GLIS3: variants seen among roughly 807,000 people sequenced by gnomAD.
GLIS3 encodes the protein GLIS family zinc finger 3.
A neutral mutation model predicts 78.6 loss-of-function variants in GLIS3; 53 were observed. The ratio of observed to expected loss-of-function variants is 0.67; its 90% CI spans 0.54 to 0.85. The LOEUF is 0.85. GLIS3 is among the 40% of genes least tolerant of loss of function. The pLI is 0.00. For missense variants in GLIS3, 1,703 were observed against 1,231.1 expected (o/e 1.38, Z -5.74); for synonymous variants, 684 against 509.9 (o/e 1.34, Z -4.60).
At chr9:4,213,799 T>G (rs1208373747) in intron 2 of GLIS3, among the ~76,000 whole-genome samples, 1 of 152,052 alleles carries the variant, frequency 6.6e-6, no homozygotes, top group African/African-American at 2.4e-5. Context: ...TATTCATTCA[T>G]CCAATAAACA....
rs138699321 is a variant in GLIS3, at chr9:4,091,402, G to C, written c.1710+26366C>G. Among the ~76,000 whole-genome samples the C allele has an allele frequency of 7.4e-3, 1,129 of 152,094 alleles. 7 individuals are homozygous for C. The highest frequency in any genetic ancestry group is 0.011 in the Non-Finnish European group (719 of 67,988). On this transcript the variant is annotated intron_variant, in intron 4 of 10. Transcript: ENST00000381971. ...AAGTTAAAAAAATAATTAAACGTTT[G>C]TAAGATTGGTACACGGTAAGCATTT... is the stretch of plus-strand genomic sequence containing the variant.
chr9:3,992,836 T>C (rs1000013650), intron 4 of GLIS3, among the ~76,000 whole-genome samples: 4 of 152,220 alleles, frequency 2.6e-5, no homozygotes, highest in Non-Finnish European at 5.9e-5. Flanking sequence ...CCAATTCTGA[T>C]AAGGTCAAAC....
intron 2 of GLIS3, among the ~76,000 whole-genome samples, chr9:4,128,491 T>A (rs903930735): frequency 3.3e-5 from 5 of 152,198 alleles, no homozygotes; most frequent in African/African-American, 1.2e-4. Context: ...GAAATTAGAA[T>A]GAATGAAAGA....
At position 3,827,289 on chromosome 9, in the gene GLIS3, C is replaced by G. The variant is rs574574885; in HGVS notation, c.*983G>C. 1 of 152,358 alleles carries G rather than the reference C, an allele frequency of 6.6e-6. No homozygotes were observed. The highest frequency in any genetic ancestry group is 2.4e-5 in the African/African-American group (1 of 41,580). 9.4% of individuals were successfully genotyped at this position (152,358 alleles called of 1,614,324 possible). A position where few individuals can be genotyped will look rare whatever the true frequency, so the allele number is the denominator to read the frequency against. Reference sequence around the variant, plus strand: ...TTTTCCAAGGGAAGCTGGCACATGACTCAGTCTGTCCCAGTTCTCACATCT... The same window carrying G: ...TTTTCCAAGGGAAGCTGGCACATGAGTCAGTCTGTCCCAGTTCTCACATCT... On this transcript the variant is annotated 3_prime_UTR_variant, in exon 11 of 11. Transcript: ENST00000381971.
At chr9:3,929,764 A>G (rs1825499289) in intron 6 of GLIS3, among the ~76,000 whole-genome samples, 1 of 152,194 alleles carries the variant, frequency 6.6e-6, no homozygotes, top group South Asian at 2.1e-4. Context: ...TGGAATTTTT[A>G]TGGTTATTTT....
At position 3,951,743 on chromosome 9, in the gene GLIS3, A is replaced by G. The variant is rs1251587602; in HGVS notation, c.1711-14554T>C. ...ACTGCAAGTAATTGGTATAATTAGCAGTTTAGAAATGCAAATCAAATTCAA... is the reference window on the plus strand; with the variant it reads ...ACTGCAAGTAATTGGTATAATTAGCGGTTTAGAAATGCAAATCAAATTCAA... On this transcript the variant is annotated intron_variant, in intron 4 of 10. Coordinates refer to ENST00000381971, the MANE Select transcript of GLIS3 (RefSeq NM_001042413.2). Among the ~76,000 whole-genome samples, 10 of 152,058 alleles carry G rather than the reference A, an allele frequency of 6.6e-5. No individual in the cohort carries two copies. The South Asian group carries it at 1.7e-3, about 25-fold the overall frequency.
chr9:4,269,792 T>C (rs1826341151), intron 2 of GLIS3, among the ~76,000 whole-genome samples: 2 of 152,140 alleles, frequency 1.3e-5, no homozygotes, highest in East Asian at 1.9e-4. Context: ...GGTAAAAAAA[T>C]AGTGTTGTGA....
chr9:4,250,917 C>T (rs185477841), intron 2 of GLIS3, among the ~76,000 whole-genome samples: 62 of 152,220 alleles, frequency 4.1e-4, no homozygotes, highest in African/African-American at 1.3e-3. Context: ...TGTAGTTGTG[C>T]GGTTTTGAGT....
chr9:4,223,305 T>C (rs1033865418), intron 2 of GLIS3, among the ~76,000 whole-genome samples: 5 of 152,214 alleles, frequency 3.3e-5, no homozygotes, highest in African/African-American at 1.2e-4. Context: ...TTGGACAAGT[T>C]ATTTAATCTG....
chr9:4,156,141 A>C (rs1263664770), intron 2 of GLIS3, among the ~76,000 whole-genome samples: 1 of 151,772 alleles, frequency 6.6e-6, no homozygotes, highest in Non-Finnish European at 1.5e-5. Context: ...TTGATTGACA[A>C]CTCTTATACC....
chr9:4,209,165 G>A (rs1458833258), intron 2 of GLIS3, among the ~76,000 whole-genome samples: 1 of 152,074 alleles, frequency 6.6e-6, no homozygotes, highest in East Asian at 1.9e-4. Context: ...GAGACCCCCT[G>A]ATCTAACCCA....
intron 6 of GLIS3, among the ~76,000 whole-genome samples, chr9:3,905,128 A>G (rs942141390): frequency 2.1e-5 from 3 of 142,178 alleles, no homozygotes; most frequent in East Asian, 2.1e-4. Flanking sequence ...GCCTGCCGCC[A>G]CGCCCGGTTA....
the GLIS3 span, among the ~76,000 whole-genome samples, chr9:4,438,013 G>A: frequency 1.3e-5 from 2 of 152,184 alleles, no homozygotes; most frequent in Non-Finnish European, 2.9e-5. Flanking sequence ...AAAGTTATAT[G>A]TGGATTTTTG....
At chr9:4,357,655 C>T in the GLIS3 span, among the ~76,000 whole-genome samples, 1,251 of 152,158 alleles carry the variant, frequency 8.2e-3, 21 homozygotes, top group African/African-American at 0.029. Flanking sequence ...CATTGACTCA[C>T]GTGAACATCA....
At chr9:4,125,137 T>C (rs1832475124) in intron 3 of GLIS3, among the ~76,000 whole-genome samples, 1 of 152,236 alleles carries the variant, frequency 6.6e-6, no homozygotes, top group Non-Finnish European at 1.5e-5. Flanking sequence ...TGAAATGTTA[T>C]GTAACTCAAA....
At chr9:4,154,905 T>C (rs1017050013) in intron 2 of GLIS3, among the ~76,000 whole-genome samples, 3 of 152,300 alleles carry the variant, frequency 2.0e-5, no homozygotes, top group Non-Finnish European at 4.4e-5. Flanking sequence ...AAACAAATTA[T>C]AGTACACTTT....
At chr9:4,252,712 C>T (rs767015953) in intron 2 of GLIS3, among the ~76,000 whole-genome samples, 8 of 152,132 alleles carry the variant, frequency 5.3e-5, no homozygotes, top group African/African-American at 1.7e-4. Flanking sequence ...GAATTTTCAG[C>T]CTTTTTGTGC....
chr9:4,297,546 G>C (rs986064186), intron 1 of GLIS3, among the ~76,000 whole-genome samples: 5 of 152,230 alleles, frequency 3.3e-5, no homozygotes, highest in African/African-American at 1.2e-4. Context: ...AGATGCTGAA[G>C]TCTTGGAGGA....
intron 2 of GLIS3, among the ~76,000 whole-genome samples, chr9:4,146,552 C>T (rs138434795): frequency 6.6e-6 from 1 of 152,198 alleles, no homozygotes; most frequent in African/African-American, 2.4e-5. Flanking sequence ...AGCAATCTTC[C>T]CAAGTATGTG....
Sources: gnomAD v4.1 joint callset for allele counts (sites outside exome capture counted in the v4.1 genomes callset) on GRCh38, gnomAD v4.1.1 for gene constraint, MANE v1.5 for transcripts, NCBI Gene and HGNC (gene_info 2026-07-23, HGNC 2026-07-21) for gene names.